SLC4A5: variants seen among roughly 807,000 people sequenced by gnomAD.
The protein encoded by SLC4A5 is electrogenic sodium bicarbonate cotransporter 4.
A neutral mutation model predicts 120.4 loss-of-function variants in SLC4A5; 96 were observed. The observed-to-expected ratio is 0.80, with a 90% confidence interval of 0.68 to 0.94. SLC4A5 has a LOEUF of 0.94. Ranked by LOEUF, SLC4A5 falls within the 40% of genes least tolerant of loss-of-function variation. The pLI, the probability that SLC4A5 is intolerant of heterozygous loss-of-function variation, is 0.00. For missense variants in SLC4A5, 1,259 were observed against 1,459.5 expected, an observed-to-expected ratio of 0.86 and a Z score of 2.24; for synonymous variants, 550 against 571.1, an observed-to-expected ratio of 0.96 and a Z score of 0.53.
At chr2:74,272,505 T>C (rs1671506786) in intron 8 of SLC4A5, among the ~76,000 whole-genome samples, 1 of 152,150 alleles carries the variant, frequency 6.6e-6, no homozygotes, top group Non-Finnish European at 1.5e-5. Flanking sequence ...GTATTAGAGT[T>C]GGGGAAGCAG....
At chr2:74,303,230 A>T (rs891376794) in intron 7 of SLC4A5, among the ~76,000 whole-genome samples, 2 of 152,058 alleles carry the variant, frequency 1.3e-5, no homozygotes, top group African/African-American at 2.4e-5. Flanking sequence ...ACTCTGTAAA[A>T]GCCACAGGCC....
intron 6 of SLC4A5, among the ~76,000 whole-genome samples, chr2:74,305,498 C>T (rs757707307): frequency 4.6e-4 from 70 of 152,158 alleles, no homozygotes; most frequent in Non-Finnish European, 8.7e-4. Flanking sequence ...TAGTGTGGTG[C>T]ATTTGTTATA....
chr2:74,276,701 G>C (rs1386421814), intron 8 of SLC4A5, among the ~76,000 whole-genome samples: 1 of 76,594 alleles, frequency 1.3e-5, no homozygotes. Context: ...ACATATTTGG[G>C]GTGTCTGCTC....
At chr2:74,216,748 A>T (rs1271704605) in exon 31 of SLC4A5, 6 of 152,198 alleles carry the variant, frequency 3.9e-5, no homozygotes, top group African/African-American at 1.4e-4. Context: ...GGCTGGGACT[A>T]CAGGTGTGTG....
intron 6 of SLC4A5, among the ~76,000 whole-genome samples, chr2:74,313,283 G>T (rs1672865218): frequency 6.6e-6 from 1 of 152,048 alleles, no homozygotes; most frequent in Non-Finnish European, 1.5e-5. Flanking sequence ...GTTTGCCCTA[G>T]ACTTTGCAAT....
At chr2:74,280,281 A>T (rs4853020) in intron 8 of SLC4A5, among the ~76,000 whole-genome samples, 63 of 152,032 alleles carry the variant, frequency 4.1e-4, no homozygotes, top group Admixed American at 2.6e-3. Flanking sequence ...TCAGGTCTCA[A>T]TGTGAACATC....
In SLC4A5 at chr2:74,255,822, G is replaced by T. The variant is rs1386499956; in HGVS notation, c.978C>A (p.Ile326=). 6.2e-7 allele frequency: 1 copy of T among 1,614,214 alleles called. No homozygotes were observed. Among genetic ancestry groups the T allele is most frequent in the Non-Finnish European group, 8.5e-7 (1 of 1,180,044 alleles). ...TCACTCCTCCCAGCATGGCCGACTG[G>T]ATGAGGCGCACGAACGCGATGAATG... Residue 326 remains isoleucine, a synonymous_variant, in exon 13 of 31, where the codon ATC becomes ATA. Coordinates refer to ENST00000394019, the Ensembl canonical transcript of SLC4A5. This position sits in a 1 kb window ranked among gnomAD's most constrained non-coding sequence, Gnocchi z 4.0.
chr2:74,276,556 T>A (rs1379648218), intron 8 of SLC4A5, among the ~76,000 whole-genome samples: 1 of 148,626 alleles, frequency 6.7e-6, no homozygotes, highest in Non-Finnish European at 1.5e-5. Flanking sequence ...GAGTTTGAGT[T>A]TGTAAAATTG....
intron 1 of SLC4A5, among the ~76,000 whole-genome samples, chr2:74,342,820 G>A (rs1673655968): frequency 6.6e-6 from 1 of 152,130 alleles, no homozygotes; most frequent in African/African-American, 2.4e-5. Context: ...AGAAAGCTTA[G>A]TTGAAGTGTG....
chr2:74,298,889 G>A (rs988588349), intron 7 of SLC4A5, among the ~76,000 whole-genome samples: 3 of 152,058 alleles, frequency 2.0e-5, no homozygotes, highest in Non-Finnish European at 4.4e-5. Context: ...AAAAGGCCAA[G>A]GATCTGAATA....
intron 7 of SLC4A5, among the ~76,000 whole-genome samples, chr2:74,294,988 T>C (rs1378730409): frequency 6.6e-6 from 1 of 152,174 alleles, no homozygotes; most frequent in Admixed American, 6.5e-5. Context: ...AGTTCTTTTA[T>C]GCTGCATAAG....
At chr2:74,260,037 G>A (rs994382762) in intron 11 of SLC4A5, among the ~76,000 whole-genome samples, 3 of 152,200 alleles carry the variant, frequency 2.0e-5, no homozygotes, top group Non-Finnish European at 4.4e-5. Context: ...TTGCTGGAGG[G>A]GGAGCAGTTT....
chr2:74,239,469 C>T lies in SLC4A5; in HGVS notation c.2185G>A (p.Gly729Ser), dbSNP rs765219773. The T allele has an allele frequency of 4.3e-6, 7 of 1,613,904 alleles. No homozygotes were observed. The highest frequency in any genetic ancestry group is 4.5e-5 in the East Asian group (2 of 44,904). ...CAGGAATTCCCAAGCAGGCGCCCGC[C>T]GTAGCTCAGACACTCCTTCTTGCTC... The change falls in exon 21 of 31, where the codon GGC (glycine) becomes AGC (serine). Residue 729 changes from glycine to serine, a missense_variant. Gly to Ser is a moderately conservative substitution (Grantham distance 56, BLOSUM62 0). Transcript: ENST00000394019.
chr2:74,299,010 C>T (rs12620056), intron 7 of SLC4A5, among the ~76,000 whole-genome samples: 5,857 of 152,252 alleles, frequency 0.038, 168 homozygotes, highest in East Asian at 0.16. Context: ...GACCTGGTGG[C>T]AGGTAATTTA....
At chr2:74,227,552 C>G (rs1023726922) in intron 26 of SLC4A5, 1 of 1,611,656 alleles carries the variant, frequency 6.2e-7, no homozygotes, top group South Asian at 1.1e-5. Flanking sequence ...AATTCTGACC[C>G]TCCGGTCCCC....
chr2:74,312,567 G>C (rs186375826), intron 6 of SLC4A5, among the ~76,000 whole-genome samples: 2 of 152,250 alleles, frequency 1.3e-5, no homozygotes, highest in East Asian at 3.9e-4. Context: ...TTGTCACATA[G>C]TTGGGTCTTG....
At chr2:74,265,398 G>T in intron 8 of SLC4A5, 134 bp from the exon 9 acceptor site, 1 of 1,030,554 alleles carries the variant, frequency 9.7e-7, no homozygotes, top group Non-Finnish European at 1.4e-6. Context: ...AGACTCACAG[G>T]CAGAGGATCT....
intron 20 of SLC4A5, among the ~76,000 whole-genome samples, chr2:74,241,171 G>A (rs1027132312): frequency 1.3e-5 from 2 of 151,948 alleles, no homozygotes; most frequent in Non-Finnish European, 2.9e-5. Context: ...AAAAATGAAT[G>A]GCAGGCTTTG....
intron 21 of SLC4A5, among the ~76,000 whole-genome samples, chr2:74,237,718 A>G: frequency 6.6e-6 from 1 of 151,920 alleles, no homozygotes; most frequent in East Asian, 1.9e-4. Flanking sequence ...AGTACCCCCC[A>G]CCCCACGGCA....
Sources: allele counts gnomAD v4.1 joint callset (sites outside exome capture counted in the v4.1 genomes callset), GRCh38; gene constraint gnomAD v4.1.1; non-coding constraint Gnocchi (gnomAD v3.1); transcripts MANE v1.5; gene names NCBI Gene and HGNC (gene_info 2026-07-23, HGNC 2026-07-21).